Variants in ENTPD5 observed in about 807,000 individuals in gnomAD.
ENTPD5 encodes ectonucleoside triphosphate diphosphohydrolase 5 (inactive), also known as nucleoside diphosphate phosphatase ENTPD5.
ENTPD5 carries 49 observed loss-of-function variants against 60.2 expected under a neutral mutation model. The observed-to-expected ratio is 0.81, with a 90% CI of 0.65 to 1.03. ENTPD5 has a LOEUF of 1.03. Among genes scored for constraint, ENTPD5 ranks in the 50% least tolerant of loss-of-function variants. The pLI is 0.00. For synonymous variants in ENTPD5, 187 were observed against 185.4 expected (o/e 1.01, Z -0.07); for missense variants, 480 against 507.6 (o/e 0.95, Z 0.52).
rs547751589 is a variant in ENTPD5 at position 74,005,545 on chromosome 14, C to T, written c.-71+5546G>A. On this transcript the variant is annotated intron_variant, in intron 3 of 15. Coordinates refer to ENST00000334696, the MANE Select transcript of ENTPD5 (RefSeq NM_001249.5). Reference sequence around the variant, plus strand: ...ACAACTGGCCAGGTGCGGTGGCTCACGCCTGTAATCCCAGCACTTCGGGAG... The same window carrying T: ...ACAACTGGCCAGGTGCGGTGGCTCATGCCTGTAATCCCAGCACTTCGGGAG... Among the ~76,000 whole-genome samples the T allele has an allele frequency of 4.6e-5, 7 of 151,496 alleles. No homozygotes were observed. In the East Asian group the frequency reaches 1.2e-3, roughly 26 times the overall value.
rs942997834 is a variant in ENTPD5 at position 73,965,692 on chromosome 14, G to A, written c.*1236C>T. On this transcript the variant is annotated 3_prime_UTR_variant, in exon 16 of 16. Transcript: ENST00000334696. ...GCTGAGATTGCGCCACTCCACTCTA[G>A]CCTGAGCAACAGAGCAAGACTCCAT... 1.3e-5 allele frequency: 2 copies of A among 152,162 alleles called. No individual in the cohort carries two copies. Among genetic ancestry groups the A allele is most frequent in the African/African-American group, 4.8e-5 (2 of 41,416 alleles). 9.4% of individuals were successfully genotyped at this position (152,162 alleles called of 1,614,324 possible). A position where few individuals can be genotyped will look rare whatever the true frequency, so the allele number is the denominator to read the frequency against.
At chr14:73,961,078 C>G (rs1415335550), downstream of ENTPD5, 3 of 1,432,198 alleles carry the variant, frequency 2.1e-6, no homozygotes, top group African/African-American at 2.8e-5. Context: ...TAGCATTAGC[C>G]TAAGCTTTGG....
rs184565903 is a variant in ENTPD5, at chr14:73,972,600, G to A, written c.1027+284C>T. 7.9e-5 allele frequency among the ~76,000 whole-genome samples: 12 copies of A among 152,058 alleles called. No homozygotes were observed. In the East Asian group the frequency reaches 2.3e-3, roughly 29 times the overall value. On this transcript the variant is annotated intron_variant, in intron 13 of 15. Transcript: ENST00000334696. The stretch of plus-strand genomic sequence containing the variant: ...TCTTCAATGTGCTGATGGATTCATG[G>A]GTGTATACATGACAAAACTTAAATT...
At chr14:73,979,820 A>C (rs1240578429) in intron 6 of ENTPD5, among the ~76,000 whole-genome samples, 1 of 152,112 alleles carries the variant, frequency 6.6e-6, no homozygotes, top group Non-Finnish European at 1.5e-5. Context: ...AGGAATCAGG[A>C]TTCAGGTTCT....
At position 73,973,616 on chromosome 14, in the gene ENTPD5, G is replaced by A. The variant is rs2057321347; in HGVS notation, c.886+261C>T. Among the ~76,000 whole-genome samples the A allele has an allele frequency of 2.0e-5, 3 of 152,166 alleles. No homozygotes were observed. In the South Asian group the frequency reaches 6.2e-4, roughly 31 times the overall value. On this transcript the variant is annotated intron_variant, in intron 12 of 15. Transcript: ENST00000334696. ...TGATCCTCTTGCCTCAACCTTTGGA[G>A]TAGCTAGGACAATAGATGTGCACCA... is the stretch of plus-strand genomic sequence containing the variant.
intron 15 of ENTPD5, among the ~76,000 whole-genome samples, 187 bp downstream of exon 15, chr14:73,969,823 G>C (rs190421688): frequency 6.6e-6 from 1 of 152,086 alleles, no homozygotes; most frequent in East Asian, 1.9e-4. Context: ...TAATACACTC[G>C]GAGGCTACCA....
chr14:74,008,372 ATTAT>A (rs2058743375), intron 3 of ENTPD5, among the ~76,000 whole-genome samples: 1 of 150,948 alleles, frequency 6.6e-6, no homozygotes, highest in South Asian at 2.1e-4. Flanking sequence ...TTTATTTTTT[ATTAT>A]TTATTTTTTC....
In ENTPD5 at chr14:73,966,391, AAC is replaced by A. The variant is rs1338160673; in HGVS notation, c.*535_*536del. On this transcript the variant is annotated 3_prime_UTR_variant, in exon 16 of 16. Coordinates refer to ENST00000334696, the MANE Select transcript of ENTPD5 (RefSeq NM_001249.5). ...GGCTCTCAGCTGGCTGATTGGAGCT[AAC>A]ACAGAATAGGATCATACAGATTCTG... 1 of 152,280 alleles carries A rather than the reference AAC, an allele frequency of 6.6e-6. No individual in the cohort carries two copies. The highest frequency in any genetic ancestry group is 1.9e-4 in the East Asian group (1 of 5,204). The allele number at this position is 152,280 out of a possible 1,614,324, so 9.4% of individuals were successfully genotyped here.
At chr14:74,018,615 G>A (rs947840409) in intron 1 of ENTPD5, 11 of 152,290 alleles carry the variant, frequency 7.2e-5, no homozygotes, top group Non-Finnish European at 1.6e-4. Context: ...TTTCAGGAAA[G>A]AAGGCTGCGG....
chr14:73,959,885 A>T (rs1353258338), downstream of ENTPD5: 1 of 1,229,526 alleles, frequency 8.1e-7, no homozygotes, highest in Non-Finnish European at 1.0e-6. Context: ...GGTGGTTTTG[A>T]GTCAGGAAAA....
At chr14:74,007,598 C>T (rs2058720229) in intron 3 of ENTPD5, 1 of 151,540 alleles carries the variant, frequency 6.6e-6, no homozygotes, top group Admixed American at 6.6e-5. Context: ...GATTTGAAAA[C>T]CATAGAAAAA....
intron 6 of ENTPD5, among the ~76,000 whole-genome samples, chr14:73,978,601 C>CAAACA (rs113384416): frequency 0.4 from 60,115 of 148,784 alleles, 13,088 homozygotes; most frequent in South Asian, 0.49. Context: ...GACTCTGTCT[C>CAAACA]AAACAAAACA....
At chr14:73,981,798 C>G (rs939548399) in intron 6 of ENTPD5, among the ~76,000 whole-genome samples, 1 of 126,882 alleles carries the variant, frequency 7.9e-6, no homozygotes, top group Admixed American at 8.8e-5. Context: ...CAGAGTGAGA[C>G]TCTGTTTCCA....
chr14:73,986,637 C>A (rs2057912172), intron 5 of ENTPD5, 177 bp downstream of exon 5: 2 of 596,496 alleles, frequency 3.4e-6, no homozygotes, highest in Non-Finnish European at 6.0e-6. Context: ...TTCCACCCAG[C>A]CCTCATGAGC....
chr14:73,988,493 T>G (rs61423350), intron 3 of ENTPD5, among the ~76,000 whole-genome samples: 1,896 of 152,358 alleles, frequency 0.012, 38 homozygotes, highest in African/African-American at 0.043. Context: ...CTAGGATATC[T>G]ATTACAACAT....
intron 3 of ENTPD5, among the ~76,000 whole-genome samples, chr14:74,010,550 A>G (rs1178543830): frequency 6.7e-6 from 1 of 149,600 alleles, no homozygotes; most frequent in East Asian, 1.9e-4. Flanking sequence ...GCGAAACTCT[A>G]TCTCAAAAAA....
chr14:73,979,614 G>A (rs980918611), intron 6 of ENTPD5, among the ~76,000 whole-genome samples: 1 of 151,872 alleles, frequency 6.6e-6, no homozygotes, highest in Non-Finnish European at 1.5e-5. Context: ...TGGGACTACA[G>A]GTGCCTACCA....
At chr14:73,986,558 G>C in intron 5 of ENTPD5, 3 of 452,930 alleles carry the variant, frequency 6.6e-6, no homozygotes, top group East Asian at 7.7e-5. Flanking sequence ...TAAACAGTAA[G>C]TACATAGGGA....
intron 14 of ENTPD5, among the ~76,000 whole-genome samples, chr14:73,970,848 C>G (rs1409651101): frequency 6.6e-6 from 1 of 151,024 alleles, no homozygotes; most frequent in East Asian, 1.9e-4. Context: ...TTTTTAGAGA[C>G]AAGGTCTCAT....
Sources: allele counts gnomAD v4.1 joint callset (sites outside exome capture counted in the v4.1 genomes callset), GRCh38; gene constraint gnomAD v4.1.1; transcripts MANE v1.5; gene names NCBI Gene and HGNC (gene_info 2026-07-23, HGNC 2026-07-21).